NTRK3: variants seen among roughly 807,000 people sequenced by gnomAD.
NTRK3 encodes neurotrophic receptor tyrosine kinase 3, also known as NT-3 growth factor receptor.
A neutral mutation model predicts 91.7 loss-of-function variants in NTRK3; 24 were observed. The ratio of observed to expected loss-of-function variants is 0.26; its 90% CI spans 0.19 to 0.37. NTRK3 has a LOEUF of 0.37. Among genes scored for constraint, NTRK3 ranks in the 10% least tolerant of loss-of-function variants. NTRK3 has a pLI of 1.00. For missense variants in NTRK3, 880 were observed against 1,068.9 expected (o/e 0.82, Z 2.46); for synonymous variants, 483 against 404.0 (o/e 1.20, Z -2.34).
chr15:88,219,228 A>C (rs2050045021), intron 3 of NTRK3, among the ~76,000 whole-genome samples: 1 of 152,244 alleles, frequency 6.6e-6, no homozygotes, highest in Non-Finnish European at 1.5e-5. Context: ...TCAATGAAAA[A>C]AGACAGGAGG....
intron 13 of NTRK3, among the ~76,000 whole-genome samples, chr15:88,038,213 C>CAG (rs768943027): frequency 0.15 from 23,065 of 152,160 alleles, 2,495 homozygotes; most frequent in African/African-American, 0.31. Context: ...GATAATTCAT[C>CAG]ATGTCTTCTG....
intron 14 of NTRK3, among the ~76,000 whole-genome samples, chr15:87,955,193 A>G (rs2071533358): frequency 6.6e-6 from 1 of 152,204 alleles, no homozygotes; most frequent in Non-Finnish European, 1.5e-5. Flanking sequence ...GCTCAGTTTG[A>G]GCTGCCTTGT....
intron 3 of NTRK3, among the ~76,000 whole-genome samples, chr15:88,193,987 A>G (rs1211050735): frequency 6.6e-6 from 1 of 152,038 alleles, no homozygotes; most frequent in African/African-American, 2.4e-5. Context: ...CTTCGATCCT[A>G]CTACTCTACT....
chr15:87,978,472 T>C (rs1303217066), intron 14 of NTRK3: 1 of 228,296 alleles, frequency 4.4e-6, no homozygotes, highest in Non-Finnish European at 8.7e-6. Context: ...CCCGGGATCA[T>C]GGGCTGGCAG....
chr15:88,096,409 A>G (rs2049603279), intron 13 of NTRK3, among the ~76,000 whole-genome samples: 1 of 152,108 alleles, frequency 6.6e-6, no homozygotes. Flanking sequence ...GAAAAGCCCC[A>G]CTGGAGAAGA....
intron 17 of NTRK3, among the ~76,000 whole-genome samples, chr15:87,883,243 CTAAA>C (rs1292854919): frequency 9.4e-5 from 14 of 149,220 alleles, no homozygotes; most frequent in African/African-American, 3.4e-4. Flanking sequence ...TAAAGTAAGA[CTAAA>C]TAATTTATAT....
intron 14 of NTRK3, among the ~76,000 whole-genome samples, chr15:87,987,166 A>C (rs973454107): frequency 5.9e-5 from 9 of 152,262 alleles, no homozygotes; most frequent in African/African-American, 2.2e-4. Context: ...TTTGAGAAGC[A>C]CATCTTTGGA....
chr15:87,987,501 A>G (rs1297220915), intron 14 of NTRK3, among the ~76,000 whole-genome samples: 1 of 151,630 alleles, frequency 6.6e-6, no homozygotes, highest in Non-Finnish European at 1.5e-5. Context: ...ATATATCTAG[A>G]CATAGATATA....
intron 13 of NTRK3, among the ~76,000 whole-genome samples, chr15:88,058,751 G>A (rs950765877): frequency 1.3e-5 from 2 of 152,072 alleles, no homozygotes; most frequent in African/African-American, 4.8e-5. Context: ...TCTGAAGCAG[G>A]GTCATGTTCA....
chr15:87,993,470 C>T (rs903990299), intron 14 of NTRK3, among the ~76,000 whole-genome samples: 13 of 152,202 alleles, frequency 8.5e-5, no homozygotes, highest in African/African-American at 1.9e-4. Flanking sequence ...GAAAAGAAGA[C>T]GGAGGAAAGG....
At chr15:87,995,045 T>C (rs2075587787) in intron 14 of NTRK3, among the ~76,000 whole-genome samples, 1 of 152,222 alleles carries the variant, frequency 6.6e-6, no homozygotes. Context: ...ACATTAATGT[T>C]AAAAATCAAT....
chr15:87,942,915 G>A (rs976867551), intron 14 of NTRK3, among the ~76,000 whole-genome samples: 1 of 152,166 alleles, frequency 6.6e-6, no homozygotes, highest in East Asian at 1.9e-4. Flanking sequence ...ATCCGCACCT[G>A]GTGACTGAGC....
intron 3 of NTRK3, among the ~76,000 whole-genome samples, chr15:88,193,376 A>G (rs1315842243): frequency 6.6e-6 from 1 of 152,102 alleles, no homozygotes; most frequent in African/African-American, 2.4e-5. Flanking sequence ...CAAGGGCCCC[A>G]TATCCAGAGC....
At position 88,243,208 on chromosome 15, in the gene NTRK3, C is replaced by T. The variant is rs2052527660; in HGVS notation, c.248+12698G>A. Among the ~76,000 whole-genome samples the T allele has an allele frequency of 6.6e-6, 1 of 152,198 alleles. No homozygotes were observed. Among genetic ancestry groups the T allele is most frequent in the Non-Finnish European group, 1.5e-5 (1 of 68,030 alleles). ...CTCCTCCACGCCCTTGCCCCCTCCCCACTTCTTATGTTATTTCCCTCTCTG... is the reference window on the plus strand; with the variant it reads ...CTCCTCCACGCCCTTGCCCCCTCCCTACTTCTTATGTTATTTCCCTCTCTG... On this transcript the variant is annotated intron_variant, in intron 3 of 18. Transcript: ENST00000394480. This position sits in a 1 kb window ranked among gnomAD's most constrained non-coding sequence, Gnocchi z 4.8.
intron 13 of NTRK3, among the ~76,000 whole-genome samples, chr15:88,107,618 C>T (rs1313378941): frequency 6.6e-6 from 1 of 152,062 alleles, no homozygotes; most frequent in African/African-American, 2.4e-5. Flanking sequence ...CCCTCCCTGG[C>T]CCAATTGTGG....
intron 14 of NTRK3, among the ~76,000 whole-genome samples, chr15:87,970,140 C>G (rs915639448): frequency 2.0e-5 from 3 of 152,124 alleles, no homozygotes; most frequent in African/African-American, 7.2e-5. Flanking sequence ...GGTAACTTAC[C>G]CCATGTCATT....
intron 13 of NTRK3, among the ~76,000 whole-genome samples, chr15:88,085,124 A>T (rs1234362306): frequency 6.6e-6 from 1 of 152,232 alleles, no homozygotes; most frequent in Non-Finnish European, 1.5e-5. Flanking sequence ...CCAAGCAACC[A>T]TGGTTAATAA....
chr15:87,896,947 C>T (rs1317088593), intron 17 of NTRK3, among the ~76,000 whole-genome samples: 1 of 152,134 alleles, frequency 6.6e-6, no homozygotes, highest in Non-Finnish European at 1.5e-5. Flanking sequence ...GCTTGAGATT[C>T]TTTGGAGGGA....
intron 5 of NTRK3, 31 bp downstream of exon 5, chr15:88,183,386 GC>G: frequency 1.2e-6 from 2 of 1,608,820 alleles, no homozygotes; most frequent in South Asian, 1.1e-5. Flanking sequence ...CCTGCCATGT[GC>G]CCCCAATCCC....
Sources: gnomAD v4.1 joint callset for allele counts (sites outside exome capture counted in the v4.1 genomes callset) on GRCh38, gnomAD v4.1.1 for gene constraint, Gnocchi (gnomAD v3.1) non-coding constraint, MANE v1.5 for transcripts, NCBI Gene and HGNC (gene_info 2026-07-23, HGNC 2026-07-21) for gene names.